The following TNNI3K variants were observed in gnomAD, a reference collection of about 807,000 sequenced individuals.
TNNI3K encodes the protein TNNI3 interacting kinase, also known as serine/threonine-protein kinase TNNI3K.
A neutral mutation model predicts 114.5 loss-of-function variants in TNNI3K; 140 were observed. That is an observed-to-expected ratio of 1.22 (90% confidence interval 1.07 to 1.41). The LOEUF (loss-of-function observed/expected upper bound fraction) is 1.41, where lower values mean the gene tolerates loss of function less well. Among genes scored for constraint, TNNI3K ranks in the 40% most tolerant of loss-of-function variants. The probability of loss-of-function intolerance (pLI) is 0.00; values close to 1 mark genes in which losing one functional copy is unlikely to be tolerated. For missense variants in TNNI3K, 1,125 were observed against 1,007.6 expected, an observed-to-expected ratio of 1.12 and a Z score of -1.58; for synonymous variants, 347 against 347.5, an observed-to-expected ratio of 1.00 and a Z score of 0.02.
intron 20 of TNNI3K, among the ~76,000 whole-genome samples, chr1:74,461,277 G>A (rs770038146): frequency 2.6e-5 from 4 of 152,078 alleles, no homozygotes; most frequent in Non-Finnish European, 4.4e-5. Context: ...TCAGGAGATC[G>A]AGACCATCCT....
At chr1:74,360,377 T>G (rs1661896093) in intron 11 of TNNI3K, among the ~76,000 whole-genome samples, 1 of 152,038 alleles carries the variant, frequency 6.6e-6, no homozygotes, top group Admixed American at 6.6e-5. Context: ...CCTCATATCC[T>G]CTTACTCCTG....
At chr1:74,274,744 A>G (rs563812956) in intron 5 of TNNI3K, among the ~76,000 whole-genome samples, 156 of 152,166 alleles carry the variant, frequency 1.0e-3, no homozygotes, top group Non-Finnish European at 1.9e-3. Flanking sequence ...CATGAGTGGC[A>G]AATATCATAA....
intron 23 of TNNI3K, among the ~76,000 whole-genome samples, chr1:74,498,552 A>T (rs151017572): frequency 1.1e-3 from 164 of 152,274 alleles, no homozygotes; most frequent in African/African-American, 3.7e-3. Context: ...TTTTATTTAT[A>T]ATAAACTAGG....
intron 20 of TNNI3K, among the ~76,000 whole-genome samples, chr1:74,456,325 G>A (rs529145641): frequency 5.8e-4 from 89 of 152,144 alleles, no homozygotes; most frequent in Admixed American, 1.9e-3. Flanking sequence ...ATTTATGAGG[G>A]AAATTATCAG....
rs397940623 is a variant in TNNI3K, at chr1:74,486,507, C to CTTT, written c.2122-2671_2122-2669dup. ...TTTTGTGTGTGTTTTTTGTTTTTTG[C>CTTT]TTTTTTTTTTTTTGCCTCTGCAAGC... On this transcript the variant is annotated intron_variant, in intron 21 of 24. Coordinates refer to ENST00000326637, the MANE Select transcript of TNNI3K (RefSeq NM_015978.3). 6.3e-3 allele frequency among the ~76,000 whole-genome samples: 865 copies of CTTT among 137,080 alleles called. 15 individuals carry two copies. The highest frequency in any genetic ancestry group is 0.022 in the African/African-American group (805 of 36,886). 89.9% of individuals were successfully genotyped at this position (137,080 alleles called of 152,430 possible).
chr1:74,303,143 A>G (rs1178182291), intron 5 of TNNI3K, among the ~76,000 whole-genome samples: 3 of 152,182 alleles, frequency 2.0e-5, no homozygotes. Context: ...TGGAACAACA[A>G]TGCCTGGATG....
intron 21 of TNNI3K, chr1:74,483,196 A>T: frequency 1.4e-6 from 1 of 706,922 alleles, no homozygotes; most frequent in South Asian, 1.5e-5. Flanking sequence ...CAGTACAATG[A>T]AAGGTATGGC....
At chr1:74,240,227 T>C (rs1654104607) in intron 2 of TNNI3K, 1 of 198,364 alleles carries the variant, frequency 5.0e-6, no homozygotes, top group Non-Finnish European at 1.1e-5. Flanking sequence ...AACTAATAAC[T>C]TAGGGCTTAC....
rs1653848280 is a variant in TNNI3K, at chr1:74,236,210, G to C, written c.149G>C (p.Gly50Ala). The C allele has an allele frequency of 6.2e-7, 1 of 1,601,630 alleles. No homozygotes were observed. The highest frequency in any genetic ancestry group is 1.3e-5 in the African/African-American group (1 of 74,174). ...KELTELRNIF[G>A]SDEAFSKVNL... Reference sequence around the variant, plus strand: ...CTGACAGAACTAAGGAATATATTTGGGTAAAGTTGTAAGAGTCATTATTTC... The same window carrying C: ...CTGACAGAACTAAGGAATATATTTGCGTAAAGTTGTAAGAGTCATTATTTC... The change falls in exon 2 of 25, where the codon GGC (glycine) becomes GCC (alanine). Residue 50 changes from glycine (G) to alanine (A), a missense_variant and splice_region_variant. Coordinates refer to ENST00000326637, the MANE Select transcript of TNNI3K (RefSeq NM_015978.3).
Position 74,492,230 on chromosome 1 carries a change from C to G in TNNI3K, c.2315C>G (p.Ala772Gly). The change falls in exon 23 of 25, where the codon GCT becomes GGT. Residue 772 changes from alanine (A) to glycine (G), a missense_variant. By Grantham distance (60) the Ala-to-Gly change is moderately conservative. Coordinates refer to ENST00000326637, the MANE Select transcript of TNNI3K (RefSeq NM_015978.3). ...ALRSRFELEYALNARSYAALS... is the reference protein window; with the variant it reads ...ALRSRFELEYGLNARSYAALS... ...AGAAGTCGTTTCGAATTGGAATATG[C>G]TCTAAATGCAAGGTCCTATGCTGCT... 1 of 1,611,872 alleles carries G rather than the reference C, an allele frequency of 6.2e-7. No homozygotes were observed. The highest frequency in any genetic ancestry group is 8.5e-7 in the Non-Finnish European group (1 of 1,178,444).
At chr1:74,310,534 A>G (rs1416287157) in intron 5 of TNNI3K, among the ~76,000 whole-genome samples, 1 of 152,218 alleles carries the variant, frequency 6.6e-6, no homozygotes, top group African/African-American at 2.4e-5. Flanking sequence ...AAAAGAACAA[A>G]GCCAGAGGCA....
chr1:74,509,499 T>A (rs1280941759), intron 23 of TNNI3K, among the ~76,000 whole-genome samples: 5 of 152,188 alleles, frequency 3.3e-5, no homozygotes, highest in Admixed American at 6.5e-5. Context: ...CATTTTATTT[T>A]AAAAATTGTC....
intron 11 of TNNI3K, among the ~76,000 whole-genome samples, chr1:74,362,441 A>G (rs889611898): frequency 1.4e-4 from 22 of 152,158 alleles, no homozygotes; most frequent in Admixed American, 1.1e-3. Flanking sequence ...GAGTCACCAA[A>G]TCATGGAGAT....
In TNNI3K at chr1:74,235,590, C is replaced by CGGAA. The variant is rs1321537909; in HGVS notation, c.40+101_40+104dup. On this transcript the variant is annotated intron_variant, in intron 1 of 24. Transcript: ENST00000326637. ...ATTGGAATATGTGTTAATTTGTATA[C>CGGAA]GGAAGATAAGGCAGCATGTTTTGTG... 4 of 663,204 alleles carry CGGAA rather than the reference C, an allele frequency of 6.0e-6. No individual in the cohort carries two copies. In the African/African-American group the frequency reaches 7.7e-5, roughly 13 times the overall value. The allele number at this position is 663,204 out of a possible 1,614,324, so 41.1% of individuals were successfully genotyped here. A position where few individuals can be genotyped will look rare whatever the true frequency, so the allele number is the denominator to read the frequency against.
chr1:74,505,987 T>G (rs1354925057), intron 23 of TNNI3K, among the ~76,000 whole-genome samples: 2 of 152,156 alleles, frequency 1.3e-5, no homozygotes, highest in African/African-American at 4.8e-5. Context: ...AAAAATGAAA[T>G]CACTTTTTGT....
At chr1:74,511,551 A>AC (rs1395913965) in intron 23 of TNNI3K, among the ~76,000 whole-genome samples, 1 of 152,126 alleles carries the variant, frequency 6.6e-6, no homozygotes, top group Non-Finnish European at 1.5e-5. Flanking sequence ...ATCTAATTCC[A>AC]TTGGATATGC....
At chr1:74,239,999 A>C in intron 2 of TNNI3K, 1 of 470,200 alleles carries the variant, frequency 2.1e-6, no homozygotes, top group Non-Finnish European at 4.4e-6. Flanking sequence ...AAGAGAAGGC[A>C]GGAGGAGAAA....
chr1:74,352,889 G>C (rs1367819838), intron 9 of TNNI3K, among the ~76,000 whole-genome samples: 1 of 152,206 alleles, frequency 6.6e-6, no homozygotes, highest in Non-Finnish European at 1.5e-5. Flanking sequence ...GACTAGGAAA[G>C]GGAATTCCCT....
chr1:74,452,279 C>T (rs1667058594), intron 20 of TNNI3K, among the ~76,000 whole-genome samples: 2 of 152,038 alleles, frequency 1.3e-5, no homozygotes, highest in South Asian at 4.1e-4. Context: ...TGTTTGTGAC[C>T]ACACTTTATA....
Sources: allele counts gnomAD v4.1 joint callset (sites outside exome capture counted in the v4.1 genomes callset), GRCh38; gene constraint gnomAD v4.1.1; transcripts MANE v1.5; gene names NCBI Gene and HGNC (gene_info 2026-07-23, HGNC 2026-07-21).